The following PTPRD variants were observed in gnomAD, a reference collection of about 807,000 sequenced individuals.
PTPRD encodes the protein receptor-type tyrosine-protein phosphatase delta.
Under a neutral mutation model 214.5 loss-of-function variants are expected in PTPRD, and 34 were observed. That is an observed-to-expected ratio of 0.16 (90% CI 0.12 to 0.21). The LOEUF is 0.21. Ranked by LOEUF, PTPRD falls within the 10% of genes least tolerant of loss-of-function variation. PTPRD has a pLI of 1.00. For missense variants in PTPRD, 2,545 were observed against 2,398.7 expected, an observed-to-expected ratio of 1.06 and a Z score of -1.27; for synonymous variants, 1,128 against 845.7, an observed-to-expected ratio of 1.33 and a Z score of -5.79.
Position 10,281,963 on chromosome 9 carries a change from A to G in PTPRD, c.-545+59000T>C, listed in dbSNP as rs1319303453. On this transcript the variant is annotated intron_variant, in intron 3 of 45. Coordinates refer to ENST00000381196, the MANE Select transcript of PTPRD (RefSeq NM_002839.4). ...TTCATGATTATAAAATTCCAAAAAT[A>G]TTGGGGGCCTAAGTAGTTAAAATAA... Among the ~76,000 whole-genome samples the G allele has an allele frequency of 2.6e-5, 4 of 151,434 alleles. No homozygotes were observed. In the East Asian group the frequency reaches 7.8e-4, roughly 29 times the overall value.
At chr9:8,407,442 T>C (rs1424881118) in intron 35 of PTPRD, among the ~76,000 whole-genome samples, 1 of 152,194 alleles carries the variant, frequency 6.6e-6, no homozygotes, top group African/African-American at 2.4e-5. Flanking sequence ...CACAGCTAGA[T>C]TCATACAGTT....
At chr9:9,174,047 T>C (rs983905000) in intron 10 of PTPRD, among the ~76,000 whole-genome samples, 12 of 152,304 alleles carry the variant, frequency 7.9e-5, no homozygotes, top group Admixed American at 5.9e-4. Flanking sequence ...GGGAGTTAAG[T>C]ATCTTTAAAA....
chr9:10,535,158 T>C (rs1162860953), intron 2 of PTPRD, among the ~76,000 whole-genome samples: 3 of 152,106 alleles, frequency 2.0e-5, no homozygotes, highest in African/African-American at 7.2e-5. Context: ...GAATATGTTT[T>C]ATAAACCCCA....
At chr9:8,389,048 G>C (rs570381318) in intron 37 of PTPRD, among the ~76,000 whole-genome samples, 184 bp downstream of exon 37, 24 of 116,544 alleles carry the variant, frequency 2.1e-4, no homozygotes, top group African/African-American at 7.7e-4. Context: ...AATTTCTTTT[G>C]TGAAAACACC....
intron 9 of PTPRD, among the ~76,000 whole-genome samples, chr9:9,304,667 T>A (rs1002306958): frequency 1.2e-4 from 18 of 151,202 alleles, no homozygotes; most frequent in African/African-American, 4.4e-4. Context: ...TTCTCTAGAT[T>A]ATATATTTCC....
intron 3 of PTPRD, among the ~76,000 whole-genome samples, chr9:10,244,925 A>T (rs1209123139): frequency 6.6e-6 from 1 of 152,046 alleles, no homozygotes; most frequent in East Asian, 1.9e-4. Context: ...CTTATTACAC[A>T]ATTTATTTTG....
intron 8 of PTPRD, among the ~76,000 whole-genome samples, chr9:9,543,414 A>T (rs956565278): frequency 1.3e-5 from 2 of 151,610 alleles, no homozygotes; most frequent in Non-Finnish European, 3.0e-5. Flanking sequence ...ACAATTGCTA[A>T]ATTCTCTGGG....
chr9:8,558,361 A>G (rs1564333441), intron 14 of PTPRD, among the ~76,000 whole-genome samples: 2 of 152,328 alleles, frequency 1.3e-5, no homozygotes, highest in Middle Eastern at 6.8e-3. Context: ...ATAGTGATTC[A>G]TCACCAAGAA....
At chr9:8,562,300 T>C (rs1338061826) in intron 14 of PTPRD, among the ~76,000 whole-genome samples, 1 of 152,220 alleles carries the variant, frequency 6.6e-6, no homozygotes, top group Non-Finnish European at 1.5e-5. Context: ...GCTAAATCTA[T>C]ATTCTATAAA....
At chr9:9,175,622 CAAAAAAAAA>C (rs55707715) in intron 10 of PTPRD, among the ~76,000 whole-genome samples, 370 of 45,226 alleles carry the variant, frequency 8.2e-3, no homozygotes, top group African/African-American at 0.03. Flanking sequence ...GACTCTGTCT[CAAAAAAAAA>C]AAAAAAAAAA....
intron 9 of PTPRD, among the ~76,000 whole-genome samples, chr9:9,315,771 G>T (rs893212112): frequency 1.3e-5 from 2 of 150,466 alleles, no homozygotes; most frequent in Admixed American, 6.6e-5. Flanking sequence ...TTGAATCTGG[G>T]GTTAAATCCT....
At chr9:10,238,590 A>G (rs2154361044) in intron 3 of PTPRD, among the ~76,000 whole-genome samples, 1 of 152,042 alleles carries the variant, frequency 6.6e-6, no homozygotes, top group Non-Finnish European at 1.5e-5. Context: ...TCGAAAGCAT[A>G]TACTTTTCCT....
intron 33 of PTPRD, among the ~76,000 whole-genome samples, chr9:8,456,676 G>T (rs770525905): frequency 6.6e-6 from 1 of 152,160 alleles, no homozygotes; most frequent in African/African-American, 2.4e-5. Context: ...GCCAGTGTTG[G>T]AGCAGGAAAA....
chr9:10,191,880 C>A (rs1224207065), intron 3 of PTPRD, among the ~76,000 whole-genome samples: 1 of 152,118 alleles, frequency 6.6e-6, no homozygotes. Flanking sequence ...TAGATGTTTT[C>A]TTTTCATTAG....
At chr9:9,424,054 T>C (rs1343792256) in intron 8 of PTPRD, among the ~76,000 whole-genome samples, 4 of 152,146 alleles carry the variant, frequency 2.6e-5, no homozygotes, top group Non-Finnish European at 4.4e-5. Flanking sequence ...CAAAGATATA[T>C]ATTTTGCTCA....
intron 14 of PTPRD, among the ~76,000 whole-genome samples, chr9:8,594,591 T>C (rs1389420333): frequency 2.6e-5 from 4 of 152,088 alleles, no homozygotes; most frequent in Non-Finnish European, 5.9e-5. Context: ...ATGGGGGCAG[T>C]TTCCCCCATG....
chr9:10,212,063 ACC>A (rs1267814577), intron 3 of PTPRD, among the ~76,000 whole-genome samples: 4 of 152,130 alleles, frequency 2.6e-5, no homozygotes, highest in African/African-American at 9.7e-5. Context: ...GAGAACAGTA[ACC>A]AGTGGAATGA....
intron 3 of PTPRD, among the ~76,000 whole-genome samples, chr9:10,293,130 C>T (rs2095576610): frequency 6.6e-6 from 1 of 151,796 alleles, no homozygotes; most frequent in Non-Finnish European, 1.5e-5. Flanking sequence ...CAGATAATGG[C>T]TAATACAGAA....
chr9:10,063,107 A>G (rs753361008), intron 3 of PTPRD, among the ~76,000 whole-genome samples: 83 of 152,204 alleles, frequency 5.5e-4, no homozygotes, highest in Non-Finnish European at 8.8e-4. Flanking sequence ...CTTAATTAGC[A>G]GTAGGAATCG....
Sources: allele counts gnomAD v4.1 joint callset (sites outside exome capture counted in the v4.1 genomes callset), GRCh38; gene constraint gnomAD v4.1.1; transcripts MANE v1.5; gene names NCBI Gene and HGNC (gene_info 2026-07-23, HGNC 2026-07-21).